Variants in LRRC61 observed in about 807,000 individuals in gnomAD.
The protein encoded by LRRC61 is leucine-rich repeat-containing protein 61.
A neutral mutation model predicts 15.1 loss-of-function variants in LRRC61; 9 were observed. The observed-to-expected ratio is 0.60, with a 90% confidence interval of 0.36 to 1.04. LRRC61 has a LOEUF of 1.04. LRRC61 is among the 50% of genes least tolerant of loss of function. The pLI is 0.01. For missense variants in LRRC61, 344 were observed against 335.6 expected (o/e 1.03, Z -0.20); for synonymous variants, 173 against 158.6 (o/e 1.09, Z -0.68).
Position 150,323,413 on chromosome 7 carries a change from C to T in LRRC61, c.-462C>T. On this transcript the variant is annotated 5_prime_UTR_variant, in exon 1 of 3. In the 5' UTR this introduces an upstream ATG that the reference lacks. Transcript: ENST00000359623. ...TGGCCAACAAGTTGGGTGGTGGGCA[C>T]GCGGCCCAGGGGTCAGGGGCCGCCA... is the stretch of plus-strand genomic sequence containing the variant. 1 of 306,646 alleles carries T rather than the reference C, an allele frequency of 3.3e-6. No individual in the cohort carries two copies. 19.0% of individuals were successfully genotyped at this position (306,646 alleles called of 1,614,324 possible).
At chr7:150,329,791 G>A (rs1199171018) in intron 2 of LRRC61, 1 of 153,112 alleles carries the variant, frequency 6.5e-6, no homozygotes, top group African/African-American at 2.4e-5. Context: ...AAGCATGTAG[G>A]CTCCTGAGTG....
intron 2 of LRRC61, among the ~76,000 whole-genome samples, chr7:150,327,576 T>C (rs1202012966): frequency 2.0e-5 from 3 of 152,128 alleles, no homozygotes; most frequent in South Asian, 2.1e-4. Context: ...CCCAGCACTT[T>C]AGGAGGTCAA....
chr7:150,337,388 G>C lies in LRRC61; in HGVS notation c.527G>C (p.Cys176Ser). The change falls in exon 3 of 3, where the codon TGC becomes TCC. Residue 176 changes from cysteine to serine, a missense_variant. Cys to Ser is a moderately radical substitution (Grantham distance 112, BLOSUM62 -1). Coordinates refer to ENST00000359623, the MANE Select transcript of LRRC61 (RefSeq NM_001142928.2). The part of the protein sequence containing the change: ...IGRGSEFYQL[C>S]RDLDSSLRPS... ...CGTGGTAGTGAGTTCTACCAGCTGT[G>C]CCGAGACCTGGACAGCTCCTTGCGT... The C allele has an allele frequency of 6.2e-7, 1 of 1,605,694 alleles. No homozygotes were observed. The highest frequency in any genetic ancestry group is 8.5e-7 in the Non-Finnish European group (1 of 1,179,960).
the LRRC61 span, among the ~76,000 whole-genome samples, chr7:150,316,532 C>T: frequency 1.5e-5 from 2 of 133,784 alleles, no homozygotes; most frequent in East Asian, 2.3e-4. Context: ...TGTTGCCAGG[C>T]GGGAGTGCAG....
the LRRC61 span, among the ~76,000 whole-genome samples, chr7:150,312,736 A>T: frequency 2.0e-5 from 3 of 151,928 alleles, no homozygotes; most frequent in Admixed American, 6.6e-5. Flanking sequence ...CATCGCCCCT[A>T]CCCCCATAAT....
chr7:150,330,672 C>A lies in LRRC61; in HGVS notation c.-145+4662C>A. 1.5e-6 allele frequency: 2 copies of A among 1,290,754 alleles called. No individual in the cohort carries two copies. Among genetic ancestry groups the A allele is most frequent in the South Asian group, 1.2e-5 (1 of 84,802 alleles). 80.0% of individuals were successfully genotyped at this position (1,290,754 alleles called of 1,614,324 possible). A position where few individuals can be genotyped will look rare whatever the true frequency, so the allele number is the denominator to read the frequency against. On this transcript the variant is annotated intron_variant, in intron 2 of 2. Coordinates refer to ENST00000359623, the MANE Select transcript of LRRC61 (RefSeq NM_001142928.2). This position sits in a 1 kb window ranked among gnomAD's most constrained non-coding sequence, Gnocchi z 4.6. ...CAAGGGGAAGATTGAGGCCATCCTG[C>A]CATGGGGGCCGACCGACATTGACCA...
At chr7:150,328,758 T>A (rs1048059329) in intron 2 of LRRC61, 3 of 152,216 alleles carry the variant, frequency 2.0e-5, no homozygotes, top group Non-Finnish European at 4.4e-5. Context: ...GAATTTTAGT[T>A]CTTGCTTCAT....
At chr7:150,311,737 C>T in the LRRC61 span, among the ~76,000 whole-genome samples, 4 of 152,220 alleles carry the variant, frequency 2.6e-5, no homozygotes, top group Admixed American at 6.5e-5. Context: ...AGCCAAATCT[C>T]GCCAGCTAAA....
In LRRC61 at chr7:150,323,511, A is replaced by G. The variant is rs967329899; in HGVS notation, c.-364A>G. ...GCTCTGCGGTGCGGAGTTGCGCCGG[A>G]CTTCCCAGCTTGGCCAGTGGCTCCG... On this transcript the variant is annotated 5_prime_UTR_variant, in exon 1 of 3. Transcript: ENST00000359623. 13 of 435,384 alleles carry G rather than the reference A, an allele frequency of 3.0e-5. No individual in the cohort carries two copies. The highest frequency in any genetic ancestry group is 2.5e-4 in the Admixed American group (10 of 39,988). The allele number at this position is 435,384 out of a possible 1,614,324, so 27.0% of individuals were successfully genotyped here. A position where few individuals can be genotyped will look rare whatever the true frequency, so the allele number is the denominator to read the frequency against.
At chr7:150,317,788 T>C in the LRRC61 span, among the ~76,000 whole-genome samples, 7 of 152,118 alleles carry the variant, frequency 4.6e-5, no homozygotes, top group African/African-American at 9.7e-5. Flanking sequence ...CAGATGGATA[T>C]TGAATTTTGT....
chr7:150,337,235 A>C lies in LRRC61; in HGVS notation c.374A>C (p.Glu125Ala), dbSNP rs772862456. The C allele has an allele frequency of 6.2e-7, 1 of 1,604,406 alleles. No homozygotes were observed. Among genetic ancestry groups the C allele is most frequent in the Non-Finnish European group, 8.5e-7 (1 of 1,179,882 alleles). Residue 125 changes from glutamate (E) to alanine (A), a missense_variant, in exon 3 of 3, where the codon GAG (glutamate) becomes GCG (alanine). By Grantham distance (107) the Glu-to-Ala change is moderately radical. Transcript: ENST00000359623. ...LQCLAGLPCL[E>A]YLRLRDPLAR... is the part of the protein sequence containing the mutation. Reference sequence around the variant, plus strand: ...TGTCTGGCTGGGCTACCGTGCCTGGAGTACCTGCGGCTCCGAGACCCTTTG... The same window carrying C: ...TGTCTGGCTGGGCTACCGTGCCTGGCGTACCTGCGGCTCCGAGACCCTTTG...
At chr7:150,319,803 C>T (rs982788793), upstream of LRRC61, among the ~76,000 whole-genome samples, 1 of 152,188 alleles carries the variant, frequency 6.6e-6, no homozygotes, top group African/African-American at 2.4e-5. Flanking sequence ...CTTTCTGTCA[C>T]CCCTGCAAAC....
At chr7:150,314,197 G>A in the LRRC61 span, among the ~76,000 whole-genome samples, 9 of 152,240 alleles carry the variant, frequency 5.9e-5, no homozygotes. Flanking sequence ...ACTGTGGCAG[G>A]AGCCGAAGGG....
chr7:150,331,904 T>C (rs1450296098), intron 2 of LRRC61: 1 of 166,978 alleles, frequency 6.0e-6, no homozygotes, highest in Non-Finnish European at 1.5e-5. Flanking sequence ...TTTTTGGGGG[T>C]TTCAGAGTGG....
Position 150,337,443 on chromosome 7 carries a change from C to T in LRRC61, c.582C>T (p.Thr194=), listed in dbSNP as rs201077166. The change falls in exon 3 of 3, where the codon ACC becomes ACT. Residue 194 remains threonine, a synonymous_variant. Coordinates refer to ENST00000359623, the MANE Select transcript of LRRC61 (RefSeq NM_001142928.2). ...RPSSSPGPRA[T]EAQPWVEPGY... is the part of the protein sequence containing the mutation. ...GCTCCAGTCCAGGCCCCAGAGCCAC[C>T]GAGGCCCAGCCCTGGGTGGAGCCAG... 336 of 1,604,492 alleles carry T rather than the reference C, an allele frequency of 2.1e-4. 1 individual carries two copies. In the East Asian group the frequency reaches 6.8e-3, roughly 32 times the overall value.
At chr7:150,323,121 C>G (rs1165026117), upstream of LRRC61, 1 of 189,246 alleles carries the variant, frequency 5.3e-6, no homozygotes, top group East Asian at 1.9e-4. Flanking sequence ...TAAGGCCGCA[C>G]CGATAAACGA....
chr7:150,319,494 A>ACCT (rs887334590), upstream of LRRC61, among the ~76,000 whole-genome samples: 80 of 152,230 alleles, frequency 5.3e-4, no homozygotes, highest in African/African-American at 1.9e-3. Flanking sequence ...GGCATGAGCC[A>ACCT]CCTCGCCTGG....
rs150379498 is a variant in LRRC61, at chr7:150,331,239, G to A, written c.-145+5229G>A. The A allele has an allele frequency of 6.7e-4, 642 of 962,136 alleles. 6 individuals are homozygous for A. The East Asian group carries it at 0.015, about 23-fold the overall frequency. 59.6% of individuals were successfully genotyped at this position (962,136 alleles called of 1,614,324 possible). On this transcript the variant is annotated intron_variant, in intron 2 of 2. Coordinates refer to ENST00000359623, the MANE Select transcript of LRRC61 (RefSeq NM_001142928.2). The stretch of plus-strand genomic sequence containing the variant: ...TGGAGCAGTTCCCCAACTACACCCC[G>A]CCTCCCCTCATCTGCTCTAGTGGTG...
At chr7:150,324,503 G>GC (rs1585038620) in intron 1 of LRRC61, 1 of 152,296 alleles carries the variant, frequency 6.6e-6, no homozygotes, top group Non-Finnish European at 1.5e-5. Context: ...AGATCACTCA[G>GC]CCAGCCGCTG....
Sources: gnomAD v4.1 joint callset for allele counts (sites outside exome capture counted in the v4.1 genomes callset) on GRCh38, gnomAD v4.1.1 for gene constraint, Gnocchi (gnomAD v3.1) non-coding constraint, MANE v1.5 for transcripts, NCBI Gene and HGNC (gene_info 2026-07-23, HGNC 2026-07-21) for gene names.